Variants in RAD54L observed in about 807,000 individuals in gnomAD.
RAD54L encodes RAD54 like.
In RAD54L, 74 loss-of-function variants were observed where a neutral mutation model predicts 91.6. The observed-to-expected ratio is 0.81, with a 90% CI of 0.67 to 0.98. The LOEUF (loss-of-function observed/expected upper bound fraction) is 0.98. RAD54L is among the 50% of genes least tolerant of loss of function. The probability of loss-of-function intolerance (pLI) is 0.00; values close to 1 mark genes in which losing one functional copy is unlikely to be tolerated. For missense variants in RAD54L, 887 were observed against 945.7 expected, an observed-to-expected ratio of 0.94 and a Z score of 0.81; for synonymous variants, 304 against 349.7, an observed-to-expected ratio of 0.87 and a Z score of 1.46.
chr1:46,277,075 G>A (rs1044642095), intron 16 of RAD54L, among the ~76,000 whole-genome samples: 10 of 152,164 alleles, frequency 6.6e-5, no homozygotes, highest in African/African-American at 1.4e-4. Context: ...GATTACAGGC[G>A]TGAGCCACCG....
rs764946772 is a variant in RAD54L, at chr1:46,248,506, T to C, written c.4-6T>C. 6.2e-7 allele frequency: 1 copy of C among 1,614,062 alleles called. No individual in the cohort carries two copies. The highest frequency in any genetic ancestry group is 8.5e-7 in the Non-Finnish European group (1 of 1,180,004). On this transcript the variant is annotated splice_region_variant and splice_polypyrimidine_tract_variant and intron_variant, in intron 1 of 17. Transcript: ENST00000371975. ...TGCAGGCACTGTTTCTGTTCTCCCT[T>C]TACAGAGGAGGAGCTTGGCTCCCAG...
intron 3 of RAD54L, among the ~76,000 whole-genome samples, chr1:46,252,302 A>G (rs1571712294): frequency 6.6e-6 from 1 of 152,278 alleles, no homozygotes; most frequent in South Asian, 2.1e-4. Flanking sequence ...AGTCTGGACT[A>G]AGGTCACTGA....
intron 16 of RAD54L, 156 bp from the exon 17 acceptor site, chr1:46,277,661 C>T: frequency 2.4e-6 from 2 of 846,518 alleles, no homozygotes; most frequent in East Asian, 2.6e-5. Context: ...GAAAATGGAC[C>T]TCAGCTGAGT....
intron 16 of RAD54L, among the ~76,000 whole-genome samples, chr1:46,277,025 G>T (rs1309975994): frequency 6.6e-6 from 1 of 152,156 alleles, no homozygotes; most frequent in Non-Finnish European, 1.5e-5. Flanking sequence ...TCGAACTCCT[G>T]ACTTTGTGAT....
rs1301995003 is a variant in RAD54L, at chr1:46,278,117, C to T, written c.2079C>T (p.Pro693=). 1 of 1,613,880 alleles carries T rather than the reference C, an allele frequency of 6.2e-7. No homozygotes were observed. Among genetic ancestry groups the T allele is most frequent in the East Asian group, 2.2e-5 (1 of 44,892 alleles). Residue 693 remains proline (P), a synonymous_variant, in exon 18 of 18, where the codon CCC becomes CCT. Transcript: ENST00000371975. ...TCAACAGCCGTCAGATCCGGCCACC[C>T]CCTGATGGTTCTGACTGCACTTCAG... ...RCVNSRQIRP[P]PDGSDCTSDL...
chr1:46,249,939 T>C (rs1221507247), intron 2 of RAD54L, 61 bp from the exon 3 acceptor site: 1 of 1,580,454 alleles, frequency 6.3e-7, no homozygotes, highest in Non-Finnish European at 8.7e-7. Flanking sequence ...CAAGTGTTAG[T>C]TGCCATTATG....
In RAD54L at chr1:46,248,042, C is replaced by A. The variant is rs1389953297; in HGVS notation, c.-364C>A. 3.2e-5 allele frequency: 9 copies of A among 284,640 alleles called. No homozygotes were observed. The South Asian group carries it at 3.4e-4, about 11-fold the overall frequency. The allele number at this position is 284,640 out of a possible 1,614,324, so 17.6% of individuals were successfully genotyped here. ...TGATTACCCACCCCCAATCCCACCC[C>A]GCCCCGCCGCGCAACTACCTCCTCC... On this transcript the variant is annotated 5_prime_UTR_variant, in exon 1 of 18. Transcript: ENST00000371975.
At position 46,267,584 on chromosome 1, in the gene RAD54L, A is replaced by T. The variant is rs770108471; in HGVS notation, c.1017A>T (p.Val339=). 6.2e-7 allele frequency: 1 copy of T among 1,613,056 alleles called. No homozygotes were observed. Among genetic ancestry groups the T allele is most frequent in the East Asian group, 2.2e-5 (1 of 44,860 alleles). ...QNDLLEYFSL[V]HFVNSGILGT... ...ATCTGCTTGAGTATTTCAGCTTGGTACATTTTGTTAATTCCGGCATCCTAG... is the reference window on the plus strand; with the variant it reads ...ATCTGCTTGAGTATTTCAGCTTGGTTCATTTTGTTAATTCCGGCATCCTAG... Residue 339 remains valine, a synonymous_variant, in exon 9 of 18, where the codon GTA becomes GTT. Transcript: ENST00000371975.
intron 3 of RAD54L, among the ~76,000 whole-genome samples, chr1:46,253,545 G>GTGGA (rs1344329045): frequency 7.9e-5 from 12 of 151,886 alleles, no homozygotes; most frequent in Non-Finnish European, 1.8e-4. Flanking sequence ...AACCCGGGAG[G>GTGGA]TGGAGCTTGC....
chr1:46,264,712 C>T (rs935972830), intron 8 of RAD54L, among the ~76,000 whole-genome samples: 1 of 152,226 alleles, frequency 6.6e-6, no homozygotes, highest in African/African-American at 2.4e-5. Flanking sequence ...GTGACTTGCC[C>T]AGGTTCTCCT....
At chr1:46,253,021 G>A (rs1434541639) in intron 3 of RAD54L, among the ~76,000 whole-genome samples, 2 of 152,284 alleles carry the variant, frequency 1.3e-5, no homozygotes, top group East Asian at 3.9e-4. Context: ...GCAGTGACCC[G>A]TGATACTGTC....
In RAD54L at chr1:46,267,577, G is replaced by T; in HGVS notation, c.1010G>T (p.Ser337Ile). The stretch of plus-strand genomic sequence containing the variant: ...CAGAATGATCTGCTTGAGTATTTCA[G>T]CTTGGTACATTTTGTTAATTCCGGC... The part of the protein sequence containing the change: ...PIQNDLLEYF[S>I]LVHFVNSGIL... Residue 337 changes from serine (S) to isoleucine (I), a missense_variant, in exon 9 of 18, where the codon AGC becomes ATC. Transcript: ENST00000371975. The T allele has an allele frequency of 6.2e-7, 1 of 1,613,426 alleles. No individual in the cohort carries two copies. The highest frequency in any genetic ancestry group is 8.5e-7 in the Non-Finnish European group (1 of 1,179,402).
intron 3 of RAD54L, among the ~76,000 whole-genome samples, chr1:46,251,424 T>C (rs1367310406): frequency 6.6e-6 from 1 of 152,178 alleles, no homozygotes; most frequent in Non-Finnish European, 1.5e-5. Context: ...GACTAGAACA[T>C]TGTCAAACCC....
rs374550715 is a variant in RAD54L, at chr1:46,265,387, GCA to G, written c.892-2069_892-2068del. Among the ~76,000 whole-genome samples the G allele has an allele frequency of 5.3e-5, 8 of 152,006 alleles. No homozygotes were observed. The highest frequency in any genetic ancestry group is 1.9e-4 in the African/African-American group (8 of 41,402). On this transcript the variant is annotated intron_variant, in intron 8 of 17. Coordinates refer to ENST00000371975, the MANE Select transcript of RAD54L (RefSeq NM_003579.4). The surrounding 1 kb of genome is among the most constrained non-coding windows in gnomAD (Gnocchi z 4.8). ...AATACCAGCAACTCAGGAAGCTGAG[GCA>G]CAAGAATTGCTTGAACTGGGGAGGC...
intron 3 of RAD54L, among the ~76,000 whole-genome samples, chr1:46,256,145 G>T (rs1169452433): frequency 1.3e-5 from 2 of 150,712 alleles, no homozygotes; most frequent in Non-Finnish European, 3.0e-5. Context: ...TGGTGTAGTT[G>T]TAGCTCACTG....
chr1:46,268,009 G>A (rs1464995313), intron 9 of RAD54L, among the ~76,000 whole-genome samples: 1 of 152,086 alleles, frequency 6.6e-6, no homozygotes, highest in Non-Finnish European at 1.5e-5. Flanking sequence ...ACAATTCAGT[G>A]GTATTAAGTA....
rs141293481 is a variant in RAD54L, at chr1:46,256,947, C to G, written c.211-1739C>G. On this transcript the variant is annotated intron_variant, in intron 3 of 17. Coordinates refer to ENST00000371975, the MANE Select transcript of RAD54L (RefSeq NM_003579.4). ...TCACTTGAGGGCAGGAGTTCAAGAC[C>G]AGCCTGGCCAACATGGTGAAACCCT... Among the ~76,000 whole-genome samples, 676 of 152,112 alleles carry G rather than the reference C, an allele frequency of 4.4e-3. 5 individuals carry two copies. Among genetic ancestry groups the G allele is most frequent in the African/African-American group, 0.015 (624 of 41,516 alleles).
At chr1:46,257,331 A>G (rs1659972730) in intron 3 of RAD54L, among the ~76,000 whole-genome samples, 1 of 151,976 alleles carries the variant, frequency 6.6e-6, no homozygotes, top group Non-Finnish European at 1.5e-5. Context: ...TTCCACTAAT[A>G]TATTCCCATT....
At position 46,278,356 on chromosome 1, in the gene RAD54L, G is replaced by A. The variant is rs889399903; in HGVS notation, c.*74G>A. 10 of 1,456,310 alleles carry A rather than the reference G, an allele frequency of 6.9e-6. No homozygotes were observed. In the African/African-American group the frequency reaches 1.3e-4, roughly 18 times the overall value. The allele number at this position is 1,456,310 out of a possible 1,614,324, so 90.2% of individuals were successfully genotyped here. ...GGGGCTCCTTGCTCCACAGGGCCCT[G>A]TTGAATTTTGTTCTCTGGGAGAAAA... On this transcript the variant is annotated 3_prime_UTR_variant, in exon 18 of 18. Transcript: ENST00000371975.
Sources: gnomAD v4.1 joint callset for allele counts (sites outside exome capture counted in the v4.1 genomes callset) on GRCh38, gnomAD v4.1.1 for gene constraint, Gnocchi (gnomAD v3.1) non-coding constraint, MANE v1.5 for transcripts, NCBI Gene and HGNC (gene_info 2026-07-23, HGNC 2026-07-21) for gene names.